The following TNRC6A variants were observed in gnomAD, a reference collection of about 807,000 sequenced individuals.
The protein encoded by TNRC6A is trinucleotide repeat-containing gene 6A protein.
TNRC6A carries 44 observed loss-of-function variants against 221.2 expected under a neutral mutation model. That is an observed-to-expected ratio of 0.20 (90% CI 0.16 to 0.26). The LOEUF (loss-of-function observed/expected upper bound fraction) is 0.26, where lower values mean the gene tolerates loss of function less well. Ranked by LOEUF, TNRC6A falls within the 10% of genes least tolerant of loss-of-function variation. The pLI is 1.00. For missense variants in TNRC6A, 2,199 were observed against 2,404.4 expected, an observed-to-expected ratio of 0.91 and a Z score of 1.79; for synonymous variants, 847 against 838.5, an observed-to-expected ratio of 1.01 and a Z score of -0.18.
At chr16:24,684,536 CA>C (rs2055590490) in intron 2 of TNRC6A, among the ~76,000 whole-genome samples, 1 of 152,132 alleles carries the variant, frequency 6.6e-6, no homozygotes, top group Non-Finnish European at 1.5e-5. Context: ...CTGGGCACAG[CA>C]GCTCACACCT....
chr16:24,774,431 C>T (rs570883772), intron 4 of TNRC6A, among the ~76,000 whole-genome samples: 1 of 152,320 alleles, frequency 6.6e-6, no homozygotes, highest in African/African-American at 2.4e-5. Flanking sequence ...ATCAGAAGTA[C>T]AGCAGTTACT....
chr16:24,651,334 T>A (rs1902635851), intron 2 of TNRC6A, among the ~76,000 whole-genome samples: 1 of 150,754 alleles, frequency 6.6e-6, no homozygotes. Flanking sequence ...AGGTTGGGAG[T>A]TCGAGACCAG....
At chr16:24,732,469 G>C (rs996131914) in intron 2 of TNRC6A, among the ~76,000 whole-genome samples, 1 of 152,166 alleles carries the variant, frequency 6.6e-6, no homozygotes, top group Non-Finnish European at 1.5e-5. Context: ...GGACTCATCT[G>C]ATCCTTGAAA....
chr16:24,687,277 T>C (rs1016735893), intron 2 of TNRC6A, among the ~76,000 whole-genome samples: 3 of 152,186 alleles, frequency 2.0e-5, no homozygotes, highest in African/African-American at 7.2e-5. Flanking sequence ...TTAGAGATCA[T>C]GTGTGCCTCC....
intron 4 of TNRC6A, among the ~76,000 whole-genome samples, chr16:24,762,469 G>C (rs2057384371): frequency 1.3e-5 from 2 of 152,250 alleles, no homozygotes; most frequent in South Asian, 4.1e-4. Context: ...TAATGAATGG[G>C]TATCAGCAGT....
intron 4 of TNRC6A, among the ~76,000 whole-genome samples, chr16:24,763,666 C>G (rs1212367544): frequency 1.3e-5 from 2 of 152,194 alleles, no homozygotes; most frequent in African/African-American, 2.4e-5. Flanking sequence ...GAAATACTTA[C>G]TGTTTGCCTA....
chr16:24,639,242 T>G (rs1221137734), intron 1 of TNRC6A, among the ~76,000 whole-genome samples: 1 of 152,080 alleles, frequency 6.6e-6, no homozygotes, highest in African/African-American at 2.4e-5. Context: ...TCCAAAACTT[T>G]AGGAGGCCGA....
intron 2 of TNRC6A, among the ~76,000 whole-genome samples, chr16:24,704,707 T>G (rs1297543202): frequency 8.3e-6 from 1 of 120,188 alleles, no homozygotes; most frequent in Non-Finnish European, 1.9e-5. Context: ...AAGAAAAAAA[T>G]TATGACATTA....
chr16:24,804,909 T>G, intron 13 of TNRC6A, 58 bp downstream of exon 13: 1 of 1,613,430 alleles, frequency 6.2e-7, no homozygotes, highest in Middle Eastern at 1.7e-4. Context: ...AGTAATAAGA[T>G]CTCTCTTACA....
chr16:24,794,740 G>GCC lies in TNRC6A; in HGVS notation c.3528+23_3528+24dup, dbSNP rs749409489. 4.4e-6 allele frequency: 7 copies of GCC among 1,579,692 alleles called. No individual in the cohort carries two copies. In the South Asian group the frequency reaches 5.9e-5, roughly 13 times the overall value. ...CGAAGGTAAACATTTCAAGGGCAAA[G>GCC]CCCTTGAAACTTTAAATTCCAAAGG... On this transcript the variant is annotated intron_variant, in intron 8 of 24. Coordinates refer to ENST00000395799, the MANE Select transcript of TNRC6A (RefSeq NM_014494.4).
intron 2 of TNRC6A, among the ~76,000 whole-genome samples, chr16:24,719,611 G>C (rs951734485): frequency 7.9e-5 from 12 of 151,064 alleles, no homozygotes; most frequent in African/African-American, 2.9e-4. Context: ...GTGAGCTGCA[G>C]TCATGCCACT....
chr16:24,622,441 A>G (rs2141606789), intron 1 of TNRC6A, among the ~76,000 whole-genome samples: 1 of 152,182 alleles, frequency 6.6e-6, no homozygotes, highest in Non-Finnish European at 1.5e-5. Context: ...TTTCTGGTAA[A>G]AGCACAAAAA....
chr16:24,678,994 A>ATT (rs10556464), intron 2 of TNRC6A, among the ~76,000 whole-genome samples: 5 of 135,936 alleles, frequency 3.7e-5, no homozygotes, highest in African/African-American at 5.5e-5. Flanking sequence ...AAAACATTGA[A>ATT]TTTTTTTTTT....
At chr16:24,643,095 TATATATATATATAAA>T (rs1195233291) in intron 2 of TNRC6A, among the ~76,000 whole-genome samples, 122 of 63,738 alleles carry the variant, frequency 1.9e-3, no homozygotes, top group East Asian at 5.1e-3. Context: ...ATATATATTT[TATATATATATATAAA>T]ATATATATAT....
At chr16:24,620,732 G>C (rs927946506) in intron 1 of TNRC6A, among the ~76,000 whole-genome samples, 1 of 151,938 alleles carries the variant, frequency 6.6e-6, no homozygotes. Context: ...CACTTGAACC[G>C]GGGAGGCAGA....
intron 5 of TNRC6A, among the ~76,000 whole-genome samples, chr16:24,788,023 T>C (rs947504017): frequency 2.6e-5 from 4 of 152,234 alleles, no homozygotes; most frequent in African/African-American, 7.2e-5. Flanking sequence ...ACGTGACTTA[T>C]GCAGGTTAAT....
chr16:24,612,755 A>G (rs1900119062), intron 1 of TNRC6A, among the ~76,000 whole-genome samples: 1 of 151,868 alleles, frequency 6.6e-6, no homozygotes, highest in African/African-American at 2.4e-5. Context: ...CAAAGAGAAA[A>G]AAAATAGCTG....
chr16:24,675,722 A>C (rs1301548184), intron 2 of TNRC6A, among the ~76,000 whole-genome samples: 43 of 134,352 alleles, frequency 3.2e-4, no homozygotes, highest in South Asian at 7.4e-4. Context: ...ATATATATAT[A>C]TATATATATA....
At position 24,809,374 on chromosome 16, in the gene TNRC6A, A is replaced by G. The variant is rs2058497881; in HGVS notation, c.4565A>G (p.Asn1522Ser). Residue 1522 changes from asparagine to serine, a missense_variant, in exon 18 of 25, where the codon AAT (asparagine) becomes AGT (serine). Transcript: ENST00000395799. The stretch of plus-strand genomic sequence containing the variant: ...GGCTTGAACTCAAACTTGAATGTAA[A>G]TATGGATATGAACAGTATTAAAGAG... ...PIGLNSNLNV[N>S]MDMNSIKEPQ... 2 of 1,542,770 alleles carry G rather than the reference A, an allele frequency of 1.3e-6. No individual in the cohort carries two copies. Among genetic ancestry groups the G allele is most frequent in the East Asian group, 2.3e-5 (1 of 43,862 alleles).
Sources: allele counts gnomAD v4.1 joint callset (sites outside exome capture counted in the v4.1 genomes callset), GRCh38; gene constraint gnomAD v4.1.1; transcripts MANE v1.5; gene names NCBI Gene and HGNC (gene_info 2026-07-23, HGNC 2026-07-21).